TOX: variants seen among roughly 807,000 people sequenced by gnomAD.
TOX encodes thymocyte selection-associated high mobility group box protein TOX.
In TOX, 11 loss-of-function variants were observed where a neutral mutation model predicts 53.7. The ratio of observed to expected loss-of-function variants is 0.20; its 90% CI spans 0.13 to 0.34. TOX has a LOEUF of 0.34. Ranked by LOEUF, TOX falls within the 10% of genes least tolerant of loss-of-function variation. The pLI is 1.00. For synonymous variants in TOX, 225 were observed against 245.3 expected (o/e 0.92, Z 0.77); for missense variants, 570 against 664.6 (o/e 0.86, Z 1.56).
Position 58,863,341 on chromosome 8 carries a change from TA to T in TOX, c.412-11537del, listed in dbSNP as rs1811041796. ...TAATTGTGATTTTAAGTTCTCTTAT[TA>T]AAAATATCTAATACTGACAGGTCCC... On this transcript the variant is annotated intron_variant, in intron 3 of 8. Coordinates refer to ENST00000361421, the MANE Select transcript of TOX (RefSeq NM_014729.3). Among the ~76,000 whole-genome samples the T allele has an allele frequency of 1.2e-4, 18 of 152,124 alleles. 1 individual carries two copies. The highest frequency in any genetic ancestry group is 1.1e-3 in the Admixed American group (17 of 15,246).
At chr8:58,890,596 T>C (rs767930624) in intron 3 of TOX, among the ~76,000 whole-genome samples, 6 of 152,076 alleles carry the variant, frequency 3.9e-5, no homozygotes, top group Non-Finnish European at 8.8e-5. Flanking sequence ...GGCAACAGTG[T>C]CATATAACTC....
intron 1 of TOX, among the ~76,000 whole-genome samples, chr8:59,085,979 CTTT>C (rs35593177): frequency 1.5e-3 from 130 of 88,798 alleles, no homozygotes; most frequent in African/African-American, 5.5e-3. Context: ...CTTTTCTTTT[CTTT>C]TTTTTTTTTT....
At chr8:58,885,234 G>C (rs778225108) in intron 3 of TOX, among the ~76,000 whole-genome samples, 1 of 151,980 alleles carries the variant, frequency 6.6e-6, no homozygotes, top group Non-Finnish European at 1.5e-5. Context: ...TGCAAAATAC[G>C]ACAAAAGCAG....
At chr8:58,863,300 C>T (rs1811041104) in intron 3 of TOX, among the ~76,000 whole-genome samples, 1 of 152,132 alleles carries the variant, frequency 6.6e-6, no homozygotes, top group African/African-American at 2.4e-5. Flanking sequence ...CTCAAATGCC[C>T]ATTCTTAGCC....
At chr8:58,975,753 G>T (rs1260613666) in intron 1 of TOX, among the ~76,000 whole-genome samples, 1 of 152,072 alleles carries the variant, frequency 6.6e-6, no homozygotes, top group Non-Finnish European at 1.5e-5. Context: ...GCTGCTGAAG[G>T]CTGGGGTAGG....
intron 6 of TOX, among the ~76,000 whole-genome samples, chr8:58,820,748 A>G (rs1202361722): frequency 6.6e-6 from 1 of 152,220 alleles, no homozygotes; most frequent in African/African-American, 2.4e-5. Context: ...CAGTTCTAAA[A>G]GAGGAGTTTC....
At chr8:59,009,128 C>T (rs1035165001) in intron 1 of TOX, among the ~76,000 whole-genome samples, 1 of 151,142 alleles carries the variant, frequency 6.6e-6, no homozygotes, top group Admixed American at 6.6e-5. Context: ...TTTCTTCTCT[C>T]CCTTCTCCTT....
At chr8:59,021,813 T>C (rs1814141208) in intron 1 of TOX, among the ~76,000 whole-genome samples, 1 of 152,124 alleles carries the variant, frequency 6.6e-6, no homozygotes, top group Non-Finnish European at 1.5e-5. Flanking sequence ...CCTGGATTCA[T>C]ACCATCTTTT....
chr8:58,842,788 G>A (rs1810666429), intron 4 of TOX, among the ~76,000 whole-genome samples: 1 of 152,168 alleles, frequency 6.6e-6, no homozygotes, highest in South Asian at 2.1e-4. Context: ...TTATCATTTT[G>A]AGGCAATGGA....
At chr8:58,954,585 G>A (rs904795871) in intron 2 of TOX, among the ~76,000 whole-genome samples, 3 of 152,152 alleles carry the variant, frequency 2.0e-5, no homozygotes, top group Admixed American at 6.5e-5. Context: ...TGATAAAGCA[G>A]CCTTGTAGAC....
chr8:58,835,694 C>G (rs1353774954), intron 5 of TOX, among the ~76,000 whole-genome samples: 1 of 152,064 alleles, frequency 6.6e-6, no homozygotes, highest in East Asian at 1.9e-4. Flanking sequence ...TGTAAAGAAC[C>G]AATCGTGGGC....
At chr8:59,046,964 A>G (rs1208235388) in intron 1 of TOX, among the ~76,000 whole-genome samples, 2 of 151,834 alleles carry the variant, frequency 1.3e-5, no homozygotes, top group African/African-American at 4.8e-5. Flanking sequence ...ACGCAGTGAC[A>G]TGTTTTAAAA....
At position 58,807,287 on chromosome 8, in the gene TOX, A is replaced by G. The variant is rs1809994723; in HGVS notation, c.*460T>C. On this transcript the variant is annotated 3_prime_UTR_variant, in exon 9 of 9. Transcript: ENST00000361421. ...CCAGTTTCAATTACAATTTAGCTAC[A>G]AAAACATTCACATTTTATACTCTAG... 6.5e-6 allele frequency: 1 copy of G among 153,050 alleles called. No individual in the cohort carries two copies. The highest frequency in any genetic ancestry group is 2.1e-4 in the South Asian group (1 of 4,834). The allele number at this position is 153,050 out of a possible 1,614,324, so 9.5% of individuals were successfully genotyped here. A position where few individuals can be genotyped will look rare whatever the true frequency, so the allele number is the denominator to read the frequency against.
At chr8:58,966,671 T>C (rs1812906866) in intron 1 of TOX, among the ~76,000 whole-genome samples, 1 of 152,130 alleles carries the variant, frequency 6.6e-6, no homozygotes, top group Non-Finnish European at 1.5e-5. Context: ...TTTTGTTAAC[T>C]GTGAAAACTG....
At chr8:58,994,654 T>C (rs969120071) in intron 1 of TOX, among the ~76,000 whole-genome samples, 10 of 152,120 alleles carry the variant, frequency 6.6e-5, no homozygotes, top group Admixed American at 2.6e-4. Flanking sequence ...TTTAAATATA[T>C]ATTAAATCAA....
intron 1 of TOX, among the ~76,000 whole-genome samples, chr8:58,998,531 AT>A (rs1448862688): frequency 3.1e-4 from 7 of 22,828 alleles, no homozygotes; most frequent in Non-Finnish European, 4.0e-4. Context: ...ATATATATAT[AT>A]ATATATAAAT....
rs550368577 is a variant in TOX, at chr8:59,076,640, T to C, written c.102+42246A>G. On this transcript the variant is annotated intron_variant, in intron 1 of 8. Coordinates refer to ENST00000361421, the MANE Select transcript of TOX (RefSeq NM_014729.3). ...CACAGCTGATTTTTTATGTTGCTAA[T>C]TTTATGCTCCTAATTTTATGCTAAT... Among the ~76,000 whole-genome samples, 106 of 152,294 alleles carry C rather than the reference T, an allele frequency of 7.0e-4. 3 individuals carry two copies. The South Asian group carries it at 0.021, about 30-fold the overall frequency.
chr8:59,035,627 A>AT (rs376078585), intron 1 of TOX, among the ~76,000 whole-genome samples: 1 of 152,074 alleles, frequency 6.6e-6, no homozygotes, highest in Non-Finnish European at 1.5e-5. Flanking sequence ...TAACCACTCA[A>AT]TTTTTTTTAT....
chr8:58,868,269 ATAAAT>A (rs1342516164), intron 3 of TOX, among the ~76,000 whole-genome samples: 1 of 152,112 alleles, frequency 6.6e-6, no homozygotes, highest in Non-Finnish European at 1.5e-5. Context: ...TCTTTTCTTT[ATAAAT>A]TACCCAGTCT....
Sources: allele counts gnomAD v4.1 joint callset (sites outside exome capture counted in the v4.1 genomes callset), GRCh38; gene constraint gnomAD v4.1.1; transcripts MANE v1.5; gene names NCBI Gene and HGNC (gene_info 2026-07-23, HGNC 2026-07-21).